SDK1: variants seen among roughly 807,000 people sequenced by gnomAD.
SDK1 encodes the protein sidekick cell adhesion molecule 1, also known as protein sidekick-1.
A neutral mutation model predicts 245.5 loss-of-function variants in SDK1; 157 were observed. That is an observed-to-expected ratio of 0.64 (90% CI 0.56 to 0.73). The LOEUF is 0.73. SDK1 is among the 30% of genes least tolerant of loss of function. The pLI is 0.00. For synonymous variants in SDK1, 1,647 were observed against 1,278.5 expected (o/e 1.29, Z -6.15); for missense variants, 3,583 against 3,002.3 (o/e 1.19, Z -4.52).
intron 4 of SDK1, among the ~76,000 whole-genome samples, chr7:3,805,245 T>C (rs12112335): frequency 0.31 from 47,755 of 152,156 alleles, 9,313 homozygotes; most frequent in African/African-American, 0.55. Flanking sequence ...GCTGAACTTA[T>C]TTATTACTTC....
intron 1 of SDK1, among the ~76,000 whole-genome samples, chr7:3,421,420 A>G (rs547337517): frequency 1.3e-5 from 2 of 152,184 alleles, no homozygotes; most frequent in African/African-American, 4.8e-5. Context: ...ATCATTTGTC[A>G]CTAAATAATT....
intron 10 of SDK1, 127 bp from the exon 11 acceptor site, chr7:3,969,130 A>G (rs1194053537): frequency 1.9e-5 from 16 of 824,512 alleles, no homozygotes; most frequent in Admixed American, 1.1e-4. Context: ...GGGGATTGCA[A>G]TTCGAGACGA....
chr7:3,572,961 A>G (rs1456984394), intron 1 of SDK1, among the ~76,000 whole-genome samples: 2 of 152,020 alleles, frequency 1.3e-5, no homozygotes, highest in Non-Finnish European at 1.5e-5. Context: ...AGAGAGGTGG[A>G]CAGTGTTGCA....
chr7:4,212,179 T>A (rs1784546496), intron 38 of SDK1, among the ~76,000 whole-genome samples: 1 of 152,214 alleles, frequency 6.6e-6, no homozygotes, highest in East Asian at 1.9e-4. Context: ...TTTAAAGCCG[T>A]GATAAAAGTT....
rs113816493 is a variant in SDK1 at position 4,176,557 on chromosome 7, A to T, written c.4996+723A>T. Reference sequence around the variant, plus strand: ...TGTACAGTTCAGTGGCATTAAGCACATTCACACTGTTATGCAGCCGTCACC... The same window carrying T: ...TGTACAGTTCAGTGGCATTAAGCACTTTCACACTGTTATGCAGCCGTCACC... On this transcript the variant is annotated intron_variant, in intron 34 of 44. Coordinates refer to ENST00000404826, the MANE Select transcript of SDK1 (RefSeq NM_152744.4). Among the ~76,000 whole-genome samples the T allele has an allele frequency of 6.3e-3, 965 of 152,286 alleles. 7 individuals are homozygous for T. The highest frequency in any genetic ancestry group is 0.023 in the African/African-American group (941 of 41,564).
rs1028125254 is a variant in SDK1 at position 3,528,540 on chromosome 7, A to C, written c.299-90540A>C. 2.6e-5 allele frequency among the ~76,000 whole-genome samples: 4 copies of C among 152,206 alleles called. No homozygotes were observed. In the East Asian group the frequency reaches 7.7e-4, roughly 29 times the overall value. On this transcript the variant is annotated intron_variant, in intron 1 of 44. Transcript: ENST00000404826. ...TGTAAGCGTGTTTGCATTTATTTAC[A>C]AAAAGATTACTCTCCTTGCTGTCTG... is the stretch of plus-strand genomic sequence containing the variant.
chr7:4,190,228 A>G (rs1445330169), intron 35 of SDK1, among the ~76,000 whole-genome samples: 1 of 152,196 alleles, frequency 6.6e-6, no homozygotes, highest in Non-Finnish European at 1.5e-5. Context: ...TTATTAACAT[A>G]TCACGCGATA....
At chr7:4,196,467 G>A (rs1004034058) in intron 35 of SDK1, among the ~76,000 whole-genome samples, 5 of 152,196 alleles carry the variant, frequency 3.3e-5, no homozygotes, top group Admixed American at 3.3e-4. Flanking sequence ...TGGACGTGCG[G>A]TGCCGTCTCT....
chr7:3,802,867 G>A (rs762468827), intron 4 of SDK1, among the ~76,000 whole-genome samples: 1 of 152,146 alleles, frequency 6.6e-6, no homozygotes, highest in African/African-American at 2.4e-5. Context: ...AGGAACATTT[G>A]TTGTTGTTTT....
intron 14 of SDK1, among the ~76,000 whole-genome samples, 162 bp downstream of exon 14, chr7:3,987,484 A>C (rs898762211): frequency 5.9e-5 from 9 of 152,080 alleles, no homozygotes; most frequent in Non-Finnish European, 1.2e-4. Context: ...GGAAAGAAAA[A>C]ACCATGCAGG....
chr7:3,680,522 T>C (rs1784067580), intron 4 of SDK1, among the ~76,000 whole-genome samples: 1 of 152,222 alleles, frequency 6.6e-6, no homozygotes. Flanking sequence ...CCAATGACTA[T>C]GCAGGTTTTG....
At chr7:3,637,648 T>C (rs548916929) in intron 2 of SDK1, among the ~76,000 whole-genome samples, 4 of 152,340 alleles carry the variant, frequency 2.6e-5, no homozygotes, top group Middle Eastern at 3.4e-3. Context: ...AGAAACTGTA[T>C]CTTTTAATTA....
chr7:3,491,308 C>T (rs922634854), intron 1 of SDK1, among the ~76,000 whole-genome samples: 13 of 152,186 alleles, frequency 8.5e-5, no homozygotes, highest in African/African-American at 2.4e-4. Context: ...GAATAATACT[C>T]AGACTTTCTT....
chr7:3,962,055 GCA>G (rs1250250771), intron 8 of SDK1, among the ~76,000 whole-genome samples: 5 of 151,962 alleles, frequency 3.3e-5, no homozygotes, highest in African/African-American at 7.3e-5. Context: ...ATGTACACGT[GCA>G]CACACTCGCA....
intron 5 of SDK1, among the ~76,000 whole-genome samples, chr7:3,877,625 A>C (rs1781106329): frequency 6.6e-6 from 1 of 152,250 alleles, no homozygotes; most frequent in Non-Finnish European, 1.5e-5. Flanking sequence ...AAAGATCTGA[A>C]AAAGAAACAA....
chr7:4,110,697 C>G lies in SDK1; in HGVS notation c.3359C>G (p.Thr1120Ser). ...GAIGDEEEWV[T>S]LYEEENEPDA... ...ATCGGCGACGAGGAGGAGTGGGTCACCCTCTATGAAGAGGAGAATGAGCCT... is the reference window on the plus strand; with the variant it reads ...ATCGGCGACGAGGAGGAGTGGGTCAGCCTCTATGAAGAGGAGAATGAGCCT... The change falls in exon 23 of 45, where the codon ACC (threonine) becomes AGC (serine). Residue 1120 changes from threonine to serine, a missense_variant. Transcript: ENST00000404826. The G allele has an allele frequency of 6.2e-7, 1 of 1,613,774 alleles. No individual in the cohort carries two copies. The highest frequency in any genetic ancestry group is 1.7e-4 in the Middle Eastern group (1 of 6,014).
intron 4 of SDK1, among the ~76,000 whole-genome samples, chr7:3,810,161 G>GC (rs145822488): frequency 0.015 from 2,299 of 152,176 alleles, 53 homozygotes; most frequent in African/African-American, 0.052. Context: ...TTCATGAGGA[G>GC]CCCCCCCATA....
chr7:3,907,053 A>G (rs898898464), intron 5 of SDK1, among the ~76,000 whole-genome samples: 1 of 152,196 alleles, frequency 6.6e-6, no homozygotes, highest in African/African-American at 2.4e-5. Context: ...TAGCAGGAAT[A>G]GGGTCTGAGC....
chr7:3,437,639 C>T (rs56331655), intron 1 of SDK1, among the ~76,000 whole-genome samples: 16,274 of 152,056 alleles, frequency 0.11, 1,119 homozygotes, highest in African/African-American at 0.19. Context: ...TGATGGTGCG[C>T]GCCTGTAGTC....
Sources: gnomAD v4.1 joint callset for allele counts (sites outside exome capture counted in the v4.1 genomes callset) on GRCh38, gnomAD v4.1.1 for gene constraint, MANE v1.5 for transcripts, NCBI Gene and HGNC (gene_info 2026-07-23, HGNC 2026-07-21) for gene names.